MACROD2: variants seen among roughly 807,000 people sequenced by gnomAD.
The protein encoded by MACROD2 is ADP-ribose glycohydrolase MACROD2.
In MACROD2, 36 loss-of-function variants were observed where a neutral mutation model predicts 70.4. That is an observed-to-expected ratio of 0.51 (90% CI 0.39 to 0.68). The LOEUF (loss-of-function observed/expected upper bound fraction) is 0.68. MACROD2 is among the 30% of genes least tolerant of loss of function. MACROD2 has a pLI of 0.00. For missense variants in MACROD2, 496 were observed against 538.4 expected (o/e 0.92, Z 0.78); for synonymous variants, 172 against 178.8 (o/e 0.96, Z 0.30).
chr20:14,796,127 G>A (rs1476898343), intron 5 of MACROD2, among the ~76,000 whole-genome samples: 1 of 152,182 alleles, frequency 6.6e-6, no homozygotes, highest in East Asian at 1.9e-4. Context: ...TCAAGTCTGA[G>A]GAAGAACTGT....
intron 5 of MACROD2, among the ~76,000 whole-genome samples, chr20:14,826,636 C>T (rs1356053801): frequency 1.3e-5 from 2 of 152,026 alleles, no homozygotes; most frequent in East Asian, 3.9e-4. Context: ...CGTTCAGGGA[C>T]AAAACATTCA....
At chr20:15,160,677 T>A (rs982180233) in intron 5 of MACROD2, among the ~76,000 whole-genome samples, 1 of 152,106 alleles carries the variant, frequency 6.6e-6, no homozygotes, top group Non-Finnish European at 1.5e-5. Context: ...TCAGTTTGGA[T>A]AAGGAGAAAA....
intron 5 of MACROD2, among the ~76,000 whole-genome samples, chr20:15,227,068 T>A (rs1160644145): frequency 6.6e-6 from 1 of 152,172 alleles, no homozygotes; most frequent in South Asian, 2.1e-4. Context: ...GAGGTCATCA[T>A]GTTGGTCGAT....
At chr20:14,085,487 C>T (rs746241113) in intron 2 of MACROD2, 134 bp from the exon 3 acceptor site, 74 of 448,140 alleles carry the variant, frequency 1.7e-4, no homozygotes, top group Admixed American at 3.2e-4. Context: ...CTTGTACTTA[C>T]GCTCTTATTT....
chr20:15,580,504 C>T (rs2048509063), intron 8 of MACROD2, among the ~76,000 whole-genome samples: 3 of 152,198 alleles, frequency 2.0e-5, no homozygotes, highest in Non-Finnish European at 4.4e-5. Context: ...CTTCTCTCCT[C>T]AGTCTAGTCC....
chr20:15,004,333 G>A (rs1300247708), intron 5 of MACROD2, among the ~76,000 whole-genome samples: 1 of 152,218 alleles, frequency 6.6e-6, no homozygotes, highest in East Asian at 1.9e-4. Context: ...GTTGACAGAA[G>A]CAGAAACAAG....
At chr20:14,536,343 A>G (rs1002582847) in intron 4 of MACROD2, among the ~76,000 whole-genome samples, 3 of 152,210 alleles carry the variant, frequency 2.0e-5, no homozygotes, top group African/African-American at 4.8e-5. Context: ...GTACAGAAAA[A>G]TGAAGGAAAA....
chr20:14,880,385 T>C (rs6079592), intron 5 of MACROD2, among the ~76,000 whole-genome samples: 36,821 of 152,180 alleles, frequency 0.24, 4,826 homozygotes, highest in African/African-American at 0.33. Context: ...GGAGGCATAA[T>C]TGCCATGAGT....
intron 5 of MACROD2, among the ~76,000 whole-genome samples, chr20:14,863,222 C>A (rs1408550950): frequency 6.6e-6 from 1 of 152,084 alleles, no homozygotes; most frequent in African/African-American, 2.4e-5. Context: ...ATAAACTGCA[C>A]TTGCAGTTTT....
intron 3 of MACROD2, among the ~76,000 whole-genome samples, chr20:14,281,806 G>C (rs2082308339): frequency 6.6e-6 from 1 of 151,532 alleles, no homozygotes; most frequent in Non-Finnish European, 1.5e-5. Flanking sequence ...GCGGTGATGT[G>C]TGCTTGTAAT....
chr20:15,190,788 C>T (rs996122289), intron 5 of MACROD2, among the ~76,000 whole-genome samples: 1 of 152,094 alleles, frequency 6.6e-6, no homozygotes, highest in African/African-American at 2.4e-5. Flanking sequence ...AGGCAGGATA[C>T]GCAGGTTTAG....
intron 6 of MACROD2, among the ~76,000 whole-genome samples, chr20:15,305,279 A>T (rs942994984): frequency 6.6e-6 from 1 of 152,070 alleles, no homozygotes; most frequent in African/African-American, 2.4e-5. Context: ...TCTCCATGAA[A>T]CAGCGCACCT....
intron 5 of MACROD2, among the ~76,000 whole-genome samples, chr20:15,206,097 T>C (rs1017255966): frequency 6.6e-6 from 1 of 152,166 alleles, no homozygotes; most frequent in Non-Finnish European, 1.5e-5. Flanking sequence ...CAAGCAAAAG[T>C]AAAACTTAAT....
At chr20:14,842,358 A>T (rs6079578) in intron 5 of MACROD2, among the ~76,000 whole-genome samples, 49,735 of 151,866 alleles carry the variant, frequency 0.33, 9,161 homozygotes, top group Non-Finnish European at 0.41. Flanking sequence ...CATTCAAACC[A>T]TAGCAGTACC....
chr20:14,018,363 C>T (rs546020521), intron 2 of MACROD2, among the ~76,000 whole-genome samples: 6 of 151,666 alleles, frequency 4.0e-5, no homozygotes, highest in Non-Finnish European at 7.4e-5. Context: ...TGTAAAGTTA[C>T]GCTGTTGAAA....
chr20:15,159,314 CT>C (rs146871479), intron 5 of MACROD2, among the ~76,000 whole-genome samples: 1 of 152,006 alleles, frequency 6.6e-6, no homozygotes, highest in Non-Finnish European at 1.5e-5. Context: ...CATTCTCTGC[CT>C]TTTTTTCCCT....
chr20:14,291,218 A>G (rs2082383779), intron 3 of MACROD2, among the ~76,000 whole-genome samples: 1 of 152,248 alleles, frequency 6.6e-6, no homozygotes, highest in Non-Finnish European at 1.5e-5. Flanking sequence ...AAATTAGAAC[A>G]GGACATTCAT....
intron 3 of MACROD2, among the ~76,000 whole-genome samples, chr20:14,315,407 C>G (rs576781179): frequency 6.6e-6 from 1 of 152,086 alleles, no homozygotes; most frequent in African/African-American, 2.4e-5. Context: ...TTCATTCATT[C>G]TTTTATTCAT....
In MACROD2 at chr20:15,723,021, G is replaced by A. The variant is rs367692412; in HGVS notation, c.646-139724G>A. On this transcript the variant is annotated intron_variant, in intron 8 of 17. Transcript: ENST00000684519. ...GTCAAATGTCTATTTACCTGCAAAC[G>A]CTCTGTTTCAGTCCTTACATCAACA... is the stretch of plus-strand genomic sequence containing the variant. Among the ~76,000 whole-genome samples, 139 of 152,018 alleles carry A rather than the reference G, an allele frequency of 9.1e-4. 4 individuals carry two copies. The South Asian group carries it at 0.028, about 30-fold the overall frequency.
Sources: gnomAD v4.1 joint callset for allele counts (sites outside exome capture counted in the v4.1 genomes callset) on GRCh38, gnomAD v4.1.1 for gene constraint, MANE v1.5 for transcripts, NCBI Gene and HGNC (gene_info 2026-07-23, HGNC 2026-07-21) for gene names.